Variants in SEC13 observed in about 807,000 individuals in gnomAD.
SEC13 encodes the protein protein SEC13 homolog.
A neutral mutation model predicts 49.2 loss-of-function variants in SEC13; 25 were observed. The ratio of observed to expected loss-of-function variants is 0.51; its 90% CI spans 0.37 to 0.71. The LOEUF (loss-of-function observed/expected upper bound fraction) is 0.71. Among genes scored for constraint, SEC13 ranks in the 30% least tolerant of loss-of-function variants. The probability of loss-of-function intolerance (pLI) is 0.00; values close to 1 mark genes in which losing one functional copy is unlikely to be tolerated. For missense variants in SEC13, 383 were observed against 417.6 expected (o/e 0.92, Z 0.72); for synonymous variants, 148 against 163.9 (o/e 0.90, Z 0.74).
intron 5 of SEC13, among the ~76,000 whole-genome samples, chr3:10,307,365 C>T (rs141591315): frequency 2.1e-4 from 32 of 151,986 alleles, no homozygotes; most frequent in African/African-American, 7.0e-4. Context: ...TGTGCCACCA[C>T]GCCTGGCTAA....
At chr3:10,302,198 A>G (rs976256203) in intron 8 of SEC13, among the ~76,000 whole-genome samples, 2 of 152,172 alleles carry the variant, frequency 1.3e-5, no homozygotes, top group Non-Finnish European at 2.9e-5. Context: ...AGACTGCGCC[A>G]CTGCACTCCA....
At chr3:10,320,237 AAC>A (rs988212220) in intron 1 of SEC13, among the ~76,000 whole-genome samples, 3 of 152,184 alleles carry the variant, frequency 2.0e-5, no homozygotes, top group Non-Finnish European at 2.9e-5. Context: ...GCAGAACAAG[AAC>A]ACAGTGTTCT....
chr3:10,305,457 A>G, intron 6 of SEC13, 102 bp downstream of exon 6: 2 of 1,436,918 alleles, frequency 1.4e-6, no homozygotes, highest in South Asian at 1.3e-5. Flanking sequence ...AGGAGGGAGA[A>G]AGAAAGGTGA....
At chr3:10,315,760 TC>T (rs753387197) in intron 2 of SEC13, among the ~76,000 whole-genome samples, 1 of 152,144 alleles carries the variant, frequency 6.6e-6, no homozygotes, top group Non-Finnish European at 1.5e-5. Flanking sequence ...CTCTTCTTCC[TC>T]CATCCTCTCA....
In SEC13 at chr3:10,318,058, C is replaced by T. The variant is rs1309922389; in HGVS notation, c.40G>A (p.Asp14Asn). The T allele has an allele frequency of 4.4e-6, 7 of 1,604,610 alleles. No individual in the cohort carries two copies. Among genetic ancestry groups the T allele is most frequent in the Non-Finnish European group, 5.1e-6 (6 of 1,171,768 alleles). ...VINTVDTSHE[D>N]MIHDAQMDYY... is the part of the protein sequence containing the mutation. Reference sequence around the variant, plus strand: ...GTGATATTAATACTTACAATCATGTCCTCATGGGAGGTATCCACAGTGTTA... The same window carrying T: ...GTGATATTAATACTTACAATCATGTTCTCATGGGAGGTATCCACAGTGTTA... The change falls in exon 2 of 9, where the codon GAC becomes AAC. Residue 14 changes from aspartate (D) to asparagine (N), a missense_variant. Physicochemically the swap from Asp to Asn is conservative, Grantham distance 23. Coordinates refer to ENST00000350697, the MANE Select transcript of SEC13 (RefSeq NM_183352.3).
intron 5 of SEC13, among the ~76,000 whole-genome samples, chr3:10,306,892 C>T (rs1038163356): frequency 6.6e-6 from 1 of 152,146 alleles, no homozygotes. Context: ...CATCCTCTTT[C>T]CTTTGTAAAT....
intron 1 of SEC13, chr3:10,320,541 ATC>A (rs2059758016): frequency 1.0e-6 from 1 of 985,950 alleles, no homozygotes; most frequent in African/African-American, 1.7e-5. Context: ...CAGTTCAATC[ATC>A]TCTGCTGGGA....
At chr3:10,305,485 G>C (rs1700814112) in intron 6 of SEC13, 74 bp downstream of exon 6, 1 of 1,542,410 alleles carries the variant, frequency 6.5e-7, no homozygotes, top group Non-Finnish European at 8.8e-7. Flanking sequence ...TCTTGTGAGT[G>C]TGGCTGAGTC....
intron 1 of SEC13, 76 bp downstream of exon 1, chr3:10,320,974 C>T (rs1409707836): frequency 6.9e-6 from 11 of 1,596,872 alleles, no homozygotes; most frequent in Admixed American, 3.5e-5. Flanking sequence ...ATTTGGGACT[C>T]AGGACGGCCG....
At chr3:10,317,015 A>G (rs1701650501) in intron 2 of SEC13, among the ~76,000 whole-genome samples, 4 of 151,966 alleles carry the variant, frequency 2.6e-5, no homozygotes, top group Admixed American at 2.6e-4. Flanking sequence ...AAAAAAAAAA[A>G]AAAAAAAGAA....
At chr3:10,316,960 C>T (rs1198734049) in intron 2 of SEC13, among the ~76,000 whole-genome samples, 4 of 146,330 alleles carry the variant, frequency 2.7e-5, no homozygotes, top group Non-Finnish European at 4.5e-5. Flanking sequence ...GAGATCACGC[C>T]ACTGCATGCC....
intron 8 of SEC13, 117 bp from the exon 9 acceptor site, chr3:10,301,491 AG>A: frequency 7.7e-7 from 1 of 1,304,642 alleles, no homozygotes; most frequent in Non-Finnish European, 1.1e-6. Flanking sequence ...GGGTGAACAG[AG>A]CATGTCCCTC....
At chr3:10,304,976 G>C in intron 7 of SEC13, 57 bp downstream of exon 7, 2 of 1,611,704 alleles carry the variant, frequency 1.2e-6, no homozygotes, top group Non-Finnish European at 1.7e-6. Flanking sequence ...GAGACTAAGA[G>C]CTGATGGGCC....
intron 5 of SEC13, among the ~76,000 whole-genome samples, chr3:10,310,645 G>GTTACT: frequency 6.6e-6 from 1 of 152,320 alleles, no homozygotes; most frequent in East Asian, 1.9e-4. Context: ...AAAGGGTACA[G>GTTACT]TTACTTTGCA....
chr3:10,312,662 G>A lies in SEC13; in HGVS notation c.233C>T (p.Ser78Phe). The change falls in exon 4 of 9, where the codon TCC (serine) becomes TTC (phenylalanine). Residue 78 changes from serine (S) to phenylalanine (F), a missense_variant. Ser to Phe is a radical substitution (Grantham distance 155). Transcript: ENST00000350697. ...CCAGATAATGACTTTCCGGTCATAG[G>A]AGCACGATGCCAGGATGTTGCCGTA... ...PMYGNILASCSYDRKVIIWRE... is the reference protein window; with the variant it reads ...PMYGNILASCFYDRKVIIWRE... 6 of 1,614,170 alleles carry A rather than the reference G, an allele frequency of 3.7e-6. No homozygotes were observed. Among genetic ancestry groups the A allele is most frequent in the Non-Finnish European group, 4.2e-6 (5 of 1,180,038 alleles).
rs1701302028 is a variant in SEC13 at position 10,312,051 on chromosome 3, A to G, written c.364T>C (p.Cys122Arg). ...APHDYGLILACGSSDGAISLL... is the reference protein window; with the variant it reads ...APHDYGLILARGSSDGAISLL... ...GAGATGGCCCCATCCGAGCTCCCAC[A>G]GGCCAGGATCAGGCCGTAGTCATGG... The change falls in exon 5 of 9, where the codon TGT becomes CGT. Residue 122 changes from cysteine (C) to arginine (R), a missense_variant. Transcript: ENST00000350697. The G allele has an allele frequency of 6.2e-7, 1 of 1,613,178 alleles. No homozygotes were observed. Among genetic ancestry groups the G allele is most frequent in the Non-Finnish European group, 8.5e-7 (1 of 1,179,656 alleles).
rs758822252 is a variant in SEC13, at chr3:10,301,346, C to T, written c.884G>A (p.Gly295Glu). The change falls in exon 9 of 9, where the codon GGG (glycine) becomes GAG (glutamate). Residue 295 changes from glycine (G) to glutamate (E), a missense_variant. Gly to Glu is a moderately conservative substitution (Grantham distance 98, BLOSUM62 -2). Transcript: ENST00000350697. Reference protein sequence around the residue: ...KVTLWKESVDGQWVCISDVNK... With the variant: ...KVTLWKESVDEQWVCISDVNK... ...GACATCACTGATGCACACCCACTGCCCATCAACTGACTCCTTCCACAGGGT... is the reference window on the plus strand; with the variant it reads ...GACATCACTGATGCACACCCACTGCTCATCAACTGACTCCTTCCACAGGGT... The T allele has an allele frequency of 6.2e-5, 100 of 1,614,044 alleles. No individual in the cohort carries two copies. The highest frequency in any genetic ancestry group is 7.6e-5 in the Non-Finnish European group (90 of 1,180,040).
At chr3:10,312,835 T>C in intron 3 of SEC13, 105 bp from the exon 4 acceptor site, 1 of 1,155,224 alleles carries the variant, frequency 8.7e-7, no homozygotes, top group Non-Finnish European at 1.3e-6. Flanking sequence ...GCAGAATTGC[T>C]TAAGAACTTC....
At chr3:10,307,738 A>G (rs1264376110) in intron 5 of SEC13, among the ~76,000 whole-genome samples, 3 of 152,120 alleles carry the variant, frequency 2.0e-5, no homozygotes, top group Admixed American at 1.3e-4. Flanking sequence ...TTGGGTGGGG[A>G]CACAGCCAAA....
Sources: gnomAD v4.1 joint callset for allele counts (sites outside exome capture counted in the v4.1 genomes callset) on GRCh38, gnomAD v4.1.1 for gene constraint, MANE v1.5 for transcripts, NCBI Gene and HGNC (gene_info 2026-07-23, HGNC 2026-07-21) for gene names.